The following TRIM2 variants were observed in gnomAD, a reference collection of about 807,000 sequenced individuals.
The protein encoded by TRIM2 is tripartite motif-containing protein 2.
TRIM2 carries 20 observed loss-of-function variants against 75.2 expected under a neutral mutation model. The observed-to-expected ratio is 0.27, with a 90% CI of 0.19 to 0.39. The LOEUF is 0.39. TRIM2 is among the 10% of genes least tolerant of loss of function. The pLI, the probability that TRIM2 is intolerant of heterozygous loss-of-function variation, is 1.00. For missense variants in TRIM2, 660 were observed against 990.8 expected (o/e 0.67, Z 4.48); for synonymous variants, 373 against 388.3 (o/e 0.96, Z 0.46).
At chr4:153,320,709 T>G (rs979065812) in intron 8 of TRIM2, among the ~76,000 whole-genome samples, 3 of 152,184 alleles carry the variant, frequency 2.0e-5, no homozygotes, top group African/African-American at 7.2e-5. Flanking sequence ...CTTGGCTAAC[T>G]GCAACCTTCA....
At chr4:153,277,788 C>T (rs1285404506) in intron 3 of TRIM2, among the ~76,000 whole-genome samples, 1 of 152,200 alleles carries the variant, frequency 6.6e-6, no homozygotes, top group Non-Finnish European at 1.5e-5. Context: ...TGAAAGCACA[C>T]CAGGCTATTA....
intron 1 of TRIM2, among the ~76,000 whole-genome samples, chr4:153,258,936 A>C (rs1199432130): frequency 6.6e-6 from 1 of 152,154 alleles, no homozygotes; most frequent in Non-Finnish European, 1.5e-5. Context: ...CGCCCCTCCC[A>C]AGCAGCACAC....
intron 5 of TRIM2, among the ~76,000 whole-genome samples, chr4:153,294,830 A>G (rs1762461640): frequency 1.3e-5 from 2 of 152,216 alleles, no homozygotes; most frequent in Non-Finnish European, 2.9e-5. Flanking sequence ...GTCAGCTTCA[A>G]AATGAACCCT....
At chr4:153,230,420 G>A (rs1333219773) in intron 1 of TRIM2, among the ~76,000 whole-genome samples, 3 of 152,090 alleles carry the variant, frequency 2.0e-5, no homozygotes, top group South Asian at 2.1e-4. Flanking sequence ...GGGCTCAAGC[G>A]ATCTGCCTGC....
chr4:153,304,103 T>C (rs1229424159), intron 6 of TRIM2, among the ~76,000 whole-genome samples: 1 of 151,550 alleles, frequency 6.6e-6, no homozygotes, highest in Non-Finnish European at 1.5e-5. Flanking sequence ...TAGAGATGAC[T>C]TTTTTTTTCT....
intron 2 of TRIM2, among the ~76,000 whole-genome samples, chr4:153,275,371 T>G (rs558050049): frequency 3.7e-4 from 57 of 152,358 alleles, no homozygotes; most frequent in Middle Eastern, 6.8e-3. Flanking sequence ...ATATTTCCAC[T>G]TTGATGTGTT....
chr4:153,177,523 G>C (rs999939872), intron 1 of TRIM2, among the ~76,000 whole-genome samples: 5 of 152,112 alleles, frequency 3.3e-5, no homozygotes, highest in African/African-American at 1.2e-4. Flanking sequence ...GCACATGCCT[G>C]TAATCCCAGC....
At chr4:153,231,083 G>T (rs548626954) in intron 1 of TRIM2, among the ~76,000 whole-genome samples, 2 of 152,138 alleles carry the variant, frequency 1.3e-5, no homozygotes, top group Non-Finnish European at 2.9e-5. Flanking sequence ...TAAAATACAC[G>T]CTCAAGTATA....
At chr4:153,326,965 A>AT (rs1282420245) in intron 10 of TRIM2, among the ~76,000 whole-genome samples, 1 of 143,318 alleles carries the variant, frequency 7.0e-6, no homozygotes, top group Non-Finnish European at 1.5e-5. Context: ...GGGTGACAGA[A>AT]TAAGACTCCA....
chr4:153,245,837 C>T (rs960950330), intron 1 of TRIM2, among the ~76,000 whole-genome samples: 2 of 152,126 alleles, frequency 1.3e-5, no homozygotes, highest in African/African-American at 2.4e-5. Context: ...CCACCATGCA[C>T]GGCTAGTTTC....
chr4:153,206,537 A>G (rs1322339249), intron 1 of TRIM2, among the ~76,000 whole-genome samples: 1 of 151,784 alleles, frequency 6.6e-6, no homozygotes, highest in Non-Finnish European at 1.5e-5. Context: ...TCCGGGCGCC[A>G]CTCTCCCAGC....
At position 153,248,219 on chromosome 4, in the gene TRIM2, C is replaced by T. The variant is rs908259692; in HGVS notation, c.31-22116C>T. On this transcript the variant is annotated intron_variant, in intron 1 of 11. Transcript: ENST00000338700. This position sits in a 1 kb window ranked among gnomAD's most constrained non-coding sequence, Gnocchi z 4.0. ...CCATGTTGGCCAGGCTAGTCTTGAA[C>T]TCCTGAGCTCAGGTGATCCACCTGT... Among the ~76,000 whole-genome samples, 1 of 152,154 alleles carries T rather than the reference C, an allele frequency of 6.6e-6. No homozygotes were observed. The highest frequency in any genetic ancestry group is 2.4e-5 in the African/African-American group (1 of 41,440).
chr4:153,195,139 G>A (rs1293337682), intron 1 of TRIM2, among the ~76,000 whole-genome samples: 1 of 152,206 alleles, frequency 6.6e-6, no homozygotes, highest in African/African-American at 2.4e-5. Context: ...CCTCATGAGA[G>A]ATAGAAAAGG....
intron 1 of TRIM2, among the ~76,000 whole-genome samples, chr4:153,268,131 G>A (rs2150025244): frequency 6.6e-6 from 1 of 152,298 alleles, no homozygotes. Flanking sequence ...TACCGGTCTG[G>A]GTGGTGTCAG....
chr4:153,218,995 C>T (rs1579683649), intron 1 of TRIM2, among the ~76,000 whole-genome samples: 1 of 11,848 alleles, frequency 8.4e-5, no homozygotes, highest in South Asian at 7.5e-3. Context: ...CTTGTCCTGA[C>T]CCCCCCCATT....
intron 2 of TRIM2, among the ~76,000 whole-genome samples, chr4:153,275,271 A>C (rs1440500202): frequency 6.6e-6 from 1 of 152,224 alleles, no homozygotes; most frequent in Admixed American, 6.5e-5. Context: ...TTCTTTAACT[A>C]AATGAGTTAA....
intron 6 of TRIM2, chr4:153,307,832 A>G (rs1560988434): frequency 6.8e-6 from 5 of 731,570 alleles, no homozygotes. Context: ...GGGACTTGCT[A>G]TACTTTCTCT....
intron 1 of TRIM2, among the ~76,000 whole-genome samples, chr4:153,176,425 A>T (rs1265904246): frequency 6.6e-6 from 1 of 151,966 alleles, no homozygotes; most frequent in Non-Finnish European, 1.5e-5. Flanking sequence ...TGCACTCCAG[A>T]CTGGGCGACA....
chr4:153,223,466 CTCCTCTTTTA>C (rs1741262365), intron 1 of TRIM2, among the ~76,000 whole-genome samples: 2 of 152,168 alleles, frequency 1.3e-5, no homozygotes, highest in East Asian at 3.8e-4. Context: ...TTCCTTTAGC[CTCCTCTTTTA>C]TTCTTTGCCC....
Sources: gnomAD v4.1 joint callset for allele counts (sites outside exome capture counted in the v4.1 genomes callset) on GRCh38, gnomAD v4.1.1 for gene constraint, Gnocchi (gnomAD v3.1) non-coding constraint, MANE v1.5 for transcripts, NCBI Gene and HGNC (gene_info 2026-07-23, HGNC 2026-07-21) for gene names.